TWIST2: variants seen among roughly 807,000 people sequenced by gnomAD.
The protein encoded by TWIST2 is twist family bHLH transcription factor 2.
TWIST2 carries 1 observed loss-of-function variant against 11.6 expected under a neutral mutation model. The observed-to-expected ratio is 0.09, with a 90% confidence interval of 0.03 to 0.41. TWIST2 has a LOEUF of 0.41. Among genes scored for constraint, TWIST2 ranks in the 10% least tolerant of loss-of-function variants. The pLI, the probability that TWIST2 is intolerant of heterozygous loss-of-function variation, is 0.98. For synonymous variants in TWIST2, 87 were observed against 96.6 expected (o/e 0.90, Z 0.58); for missense variants, 168 against 226.4 (o/e 0.74, Z 1.66).
chr2:238,879,281 G>A (rs1399494021), intron 1 of TWIST2, among the ~76,000 whole-genome samples: 1 of 152,016 alleles, frequency 6.6e-6, no homozygotes, highest in African/African-American at 2.4e-5. Context: ...TGGGGGTGGG[G>A]GTAGAACATC....
chr2:238,850,206 TC>T (rs1273556008), intron 1 of TWIST2, among the ~76,000 whole-genome samples: 2 of 152,230 alleles, frequency 1.3e-5, no homozygotes, highest in Admixed American at 6.5e-5. Context: ...AAAATAATTT[TC>T]AGCAGAAAAT....
chr2:238,854,983 G>A (rs1214915979), intron 1 of TWIST2, among the ~76,000 whole-genome samples: 1 of 152,178 alleles, frequency 6.6e-6, no homozygotes, highest in Non-Finnish European at 1.5e-5. Context: ...TGTGGCCGGT[G>A]CTCAGAGGGC....
chr2:238,873,350 C>G lies in TWIST2; in HGVS notation c.*35+24617C>G, dbSNP rs139299005. 4.3e-3 allele frequency among the ~76,000 whole-genome samples: 657 copies of G among 152,230 alleles called. 4 individuals are homozygous for G. Among genetic ancestry groups the G allele is most frequent in the African/African-American group, 0.015 (623 of 41,538 alleles). Reference sequence around the variant, plus strand: ...ACACAAGACAGCAGATGTGGGCTTGCTGACCATGGGTGCTGAGAAGGAAGC... The same window carrying G: ...ACACAAGACAGCAGATGTGGGCTTGGTGACCATGGGTGCTGAGAAGGAAGC... On this transcript the variant is annotated intron_variant, in intron 1 of 1. Coordinates refer to ENST00000612363, the MANE Select transcript of TWIST2 (RefSeq NM_001271893.4).
At chr2:238,870,644 A>C (rs1356496001) in intron 1 of TWIST2, among the ~76,000 whole-genome samples, 13 of 41,556 alleles carry the variant, frequency 3.1e-4, no homozygotes, top group African/African-American at 4.6e-4. Flanking sequence ...CCCCACACAC[A>C]CAGCACACAC....
chr2:238,892,685 T>C (rs1693160051), intron 1 of TWIST2, among the ~76,000 whole-genome samples: 1 of 152,072 alleles, frequency 6.6e-6, no homozygotes, highest in Admixed American at 6.5e-5. Context: ...TTCACCATGT[T>C]ACCCAGGCTG....
intron 1 of TWIST2, among the ~76,000 whole-genome samples, chr2:238,873,542 T>G (rs1692748291): frequency 6.6e-6 from 1 of 152,140 alleles, no homozygotes; most frequent in Non-Finnish European, 1.5e-5. Context: ...TGCAGAGATG[T>G]GCACGCATGA....
intron 1 of TWIST2, among the ~76,000 whole-genome samples, chr2:238,868,380 G>A (rs1692582677): frequency 6.6e-6 from 1 of 152,182 alleles, no homozygotes; most frequent in South Asian, 2.1e-4. Context: ...ACACAGCTAA[G>A]CAGGGTTTGG....
Position 238,862,442 on chromosome 2 carries a change from T to C in TWIST2, c.*35+13709T>C, listed in dbSNP as rs186038470. Among the ~76,000 whole-genome samples the C allele has an allele frequency of 1.2e-4, 18 of 152,328 alleles. No homozygotes were observed. The East Asian group carries it at 2.1e-3, about 18-fold the overall frequency. On this transcript the variant is annotated intron_variant, in intron 1 of 1. Transcript: ENST00000612363. ...GAATTCATAAAAGGAGAAATTCAGTTGGTCAATAAACGCGTGAAGTGTTGA... is the reference window on the plus strand; with the variant it reads ...GAATTCATAAAAGGAGAAATTCAGTCGGTCAATAAACGCGTGAAGTGTTGA...
chr2:238,887,950 A>G (rs1574764175), intron 1 of TWIST2, among the ~76,000 whole-genome samples: 1 of 152,184 alleles, frequency 6.6e-6, no homozygotes, highest in Non-Finnish European at 1.5e-5. Flanking sequence ...CCATCTCATA[A>G]CCCACGGCCG....
chr2:238,886,842 AG>A (rs1376159404), intron 1 of TWIST2: 1 of 152,154 alleles, frequency 6.6e-6, no homozygotes, highest in Non-Finnish European at 1.5e-5. Flanking sequence ...GAAGAGGAAG[AG>A]GGGGCAGTGT....
rs1039379109 is a variant in TWIST2 at position 238,891,253 on chromosome 2, C to T, written c.*36-18589C>T. Among the ~76,000 whole-genome samples the T allele has an allele frequency of 4.6e-5, 7 of 152,204 alleles. No individual in the cohort carries two copies. The East Asian group carries it at 5.8e-4, about 13-fold the overall frequency. On this transcript the variant is annotated intron_variant, in intron 1 of 1. Coordinates refer to ENST00000612363, the MANE Select transcript of TWIST2 (RefSeq NM_001271893.4). ...ATCAGCGAGGCCACCTTGACCCTATCGGGAGCATTCGGACTCCTGGTAAAC... is the reference window on the plus strand; with the variant it reads ...ATCAGCGAGGCCACCTTGACCCTATTGGGAGCATTCGGACTCCTGGTAAAC...
At chr2:238,902,979 GGGTGTGTGAT>G (rs1693293989) in intron 1 of TWIST2, among the ~76,000 whole-genome samples, 7 of 4,122 alleles carry the variant, frequency 1.7e-3, no homozygotes, top group African/African-American at 1.0e-3. Context: ...TGTGTGATGT[GGGTGTGTGAT>G]GGGTATGTGC....
At chr2:238,893,628 C>T (rs1285267087) in intron 1 of TWIST2, among the ~76,000 whole-genome samples, 3 of 152,320 alleles carry the variant, frequency 2.0e-5, no homozygotes, top group South Asian at 2.1e-4. Flanking sequence ...GGCTCAGAAC[C>T]TGGAACACGG....
chr2:238,906,241 C>G (rs1432367004), intron 1 of TWIST2, among the ~76,000 whole-genome samples: 1 of 152,036 alleles, frequency 6.6e-6, no homozygotes, highest in Non-Finnish European at 1.5e-5. Context: ...CACGGACCCA[C>G]GCACACAGAT....
chr2:238,900,285 A>G (rs965453087), intron 1 of TWIST2, among the ~76,000 whole-genome samples: 1 of 152,126 alleles, frequency 6.6e-6, no homozygotes, highest in African/African-American at 2.4e-5. Flanking sequence ...TGCTGTCCTT[A>G]TTCATTGTGT....
chr2:238,879,277 T>TG (rs199937586), intron 1 of TWIST2, among the ~76,000 whole-genome samples: 10,486 of 151,620 alleles, frequency 0.069, 906 homozygotes, highest in East Asian at 0.42. Context: ...TGAGTGGGGG[T>TG]GGGGGTAGAA....
intron 1 of TWIST2, among the ~76,000 whole-genome samples, chr2:238,895,813 T>C (rs1369624842): frequency 6.6e-6 from 1 of 152,080 alleles, no homozygotes; most frequent in East Asian, 1.9e-4. Flanking sequence ...TCTCTGGCAG[T>C]GATGCTGGGG....
chr2:238,890,737 C>A (rs1334648192), intron 1 of TWIST2, among the ~76,000 whole-genome samples: 1 of 152,164 alleles, frequency 6.6e-6, no homozygotes, highest in Non-Finnish European at 1.5e-5. Context: ...ATTTCTGTAT[C>A]TCTTTACTTG....
intron 1 of TWIST2, among the ~76,000 whole-genome samples, chr2:238,849,403 C>G (rs928574168): frequency 2.6e-5 from 4 of 152,190 alleles, no homozygotes; most frequent in Non-Finnish European, 5.9e-5. Flanking sequence ...CCGGGTGTGC[C>G]CGAGAAGGGC....
Sources: allele counts gnomAD v4.1 joint callset (sites outside exome capture counted in the v4.1 genomes callset), GRCh38; gene constraint gnomAD v4.1.1; transcripts MANE v1.5; gene names NCBI Gene and HGNC (gene_info 2026-07-23, HGNC 2026-07-21).